Variants in PYROXD2 observed in about 807,000 individuals in gnomAD.
The protein encoded by PYROXD2 is pyridine nucleotide-disulphide oxidoreductase domain 2.
PYROXD2 carries 69 observed loss-of-function variants against 71.1 expected under a neutral mutation model. That is an observed-to-expected ratio of 0.97 (90% CI 0.80 to 1.19). The LOEUF (loss-of-function observed/expected upper bound fraction) is 1.19. Among genes scored for constraint, PYROXD2 ranks in the 50% most tolerant of loss-of-function variants. PYROXD2 has a pLI of 0.00. For synonymous variants in PYROXD2, 287 were observed against 302.7 expected (o/e 0.95, Z 0.54); for missense variants, 745 against 748.9 (o/e 0.99, Z 0.06).
At chr10:98,409,576 T>C (rs1018370162) in intron 2 of PYROXD2, among the ~76,000 whole-genome samples, 2 of 152,200 alleles carry the variant, frequency 1.3e-5, no homozygotes, top group Admixed American at 6.5e-5. Flanking sequence ...GATGCCAGCC[T>C]TCCTTGGCCT....
intron 6 of PYROXD2, 37 bp from the exon 7 acceptor site, chr10:98,395,489 G>A: frequency 1.3e-6 from 2 of 1,593,728 alleles, no homozygotes; most frequent in South Asian, 1.1e-5. Context: ...AGTTGAAACA[G>A]GTGACAGGGA....
At chr10:98,392,365 A>G (rs975493639) in intron 10 of PYROXD2, 67 bp downstream of exon 10, 1 of 1,576,588 alleles carries the variant, frequency 6.3e-7, no homozygotes. Context: ...GGCTCCCTCA[A>G]TCCCCACGAT....
chr10:98,387,215 C>T lies in PYROXD2; in HGVS notation c.1540G>A (p.Gly514Arg), dbSNP rs779246702. 1.1e-5 allele frequency: 18 copies of T among 1,613,848 alleles called. No homozygotes were observed. Among genetic ancestry groups the T allele is most frequent in the East Asian group, 6.7e-5 (3 of 44,868 alleles). Reference sequence around the variant, plus strand: ...CTTATACATACCCCTCCAGGAAGCCCGAAGATTCTCTCCAAATCTGGTGGT... The same window carrying T: ...CTTATACATACCCCTCCAGGAAGCCTGAAGATTCTCTCCAAATCTGGTGGT... ...LTPPDLERIFGLPGGNIFHCA... is the reference protein window; with the variant it reads ...LTPPDLERIFRLPGGNIFHCA... Residue 514 changes from glycine (G) to arginine (R), a missense_variant, in exon 14 of 16, where the codon GGG becomes AGG. Gly to Arg is a moderately radical substitution (Grantham distance 125). Coordinates refer to ENST00000370575, the MANE Select transcript of PYROXD2 (RefSeq NM_032709.3).
chr10:98,390,497 T>C (rs1842909407), intron 12 of PYROXD2, 101 bp downstream of exon 12: 4 of 1,338,628 alleles, frequency 3.0e-6, no homozygotes, highest in Admixed American at 2.5e-5. Flanking sequence ...ACTGTGAAGG[T>C]TGAACACCAG....
chr10:98,400,037 T>G, intron 5 of PYROXD2, 65 bp downstream of exon 5: 1 of 1,571,406 alleles, frequency 6.4e-7, no homozygotes, highest in Non-Finnish European at 8.6e-7. Context: ...TCTAGGACAA[T>G]CCAACCAGGC....
chr10:98,387,839 G>T, intron 13 of PYROXD2: 1 of 178,216 alleles, frequency 5.6e-6, no homozygotes, highest in Non-Finnish European at 1.2e-5. Flanking sequence ...TCACCATGTT[G>T]GTCAGGCTGG....
At chr10:98,410,226 A>G (rs6584199) in intron 2 of PYROXD2, among the ~76,000 whole-genome samples, 55,095 of 152,156 alleles carry the variant, frequency 0.36, 11,142 homozygotes, top group African/African-American at 0.53. Flanking sequence ...GCACAGCCAC[A>G]GTTTCCCCCT....
chr10:98,386,613 G>A (rs997985486), intron 14 of PYROXD2, among the ~76,000 whole-genome samples: 1 of 150,544 alleles, frequency 6.6e-6, no homozygotes, highest in South Asian at 2.1e-4. Flanking sequence ...GTGTAATGAC[G>A]CATCACAGCT....
intron 15 of PYROXD2, 32 bp downstream of exon 15, chr10:98,384,915 C>T (rs1842701468): frequency 1.1e-5 from 18 of 1,573,584 alleles, no homozygotes; most frequent in Non-Finnish European, 1.5e-5. Context: ...CCTCCCAGTC[C>T]CCACAGGGTA....
chr10:98,393,071 CA>C lies in PYROXD2; in HGVS notation c.797del (p.Leu266ArgfsTer4), dbSNP rs1843005632. On this transcript the variant is annotated frameshift_variant, in exon 9 of 16. Transcript: ENST00000370575. LOFTEE classifies it high-confidence loss of function. ...CCTCCAGGCCCCCCATCACATGGTG[CA>C]GCAGCACATACCTGTGGACAGACCA... ...PHTPGSGYVL[L>X]HHVMGGLEGM... is the part of the protein sequence containing the mutation. The C allele has an allele frequency of 6.3e-7, 1 of 1,583,700 alleles. No homozygotes were observed. Among genetic ancestry groups the C allele is most frequent in the Non-Finnish European group, 8.5e-7 (1 of 1,170,864 alleles).
At position 98,384,963 on chromosome 10, in the gene PYROXD2, T is replaced by C; in HGVS notation, c.1659A>G (p.Gly553=). 1 of 1,612,864 alleles carries C rather than the reference T, an allele frequency of 6.2e-7. No individual in the cohort carries two copies. Among genetic ancestry groups the C allele is most frequent in the South Asian group, 1.1e-5 (1 of 90,782 alleles). The change falls in exon 15 of 16, where the codon GGA becomes GGG. Residue 553 remains glycine, a synonymous_variant. Transcript: ENST00000370575. ...GTCACTCACCAGGATGAGCCCCACT[T>C]CCACAGAGATACAGGCCCTGGAGAG... ...RCPLQGLYLC[G]SGAHPGGGVM... is the part of the protein sequence containing the mutation.
intron 8 of PYROXD2, among the ~76,000 whole-genome samples, chr10:98,393,652 C>T (rs1843032882): frequency 6.6e-6 from 1 of 152,072 alleles, no homozygotes; most frequent in African/African-American, 2.4e-5. Flanking sequence ...GCAGTAGTGC[C>T]CCTCATTGGA....
chr10:98,391,794 G>A (rs1842952873), intron 10 of PYROXD2, among the ~76,000 whole-genome samples: 1 of 152,140 alleles, frequency 6.6e-6, no homozygotes, highest in Non-Finnish European at 1.5e-5. Flanking sequence ...CTACCGTGCT[G>A]GAGGAGGACA....
At chr10:98,411,735 C>G (rs1398719554) in intron 1 of PYROXD2, 2 of 152,132 alleles carry the variant, frequency 1.3e-5, no homozygotes, top group Admixed American at 6.5e-5. Flanking sequence ...AATGTCGACT[C>G]CCACAGACCC....
Position 98,400,165 on chromosome 10 carries a change from C to A in PYROXD2, c.408G>T (p.Leu136=). The A allele has an allele frequency of 6.2e-7, 1 of 1,613,702 alleles. No individual in the cohort carries two copies. Among genetic ancestry groups the A allele is most frequent in the Non-Finnish European group, 8.5e-7 (1 of 1,179,798 alleles). ...GGTTTTCTGCCATGTCTGTGCCCAG[C>A]AGAAGGCACCTGGGCACCTTGCTGC... The part of the protein sequence containing the change: ...GAGSKVPRCL[L]LGTDMAENQK... The change falls in exon 5 of 16, where the codon CTG becomes CTT. Residue 136 remains leucine (L), a synonymous_variant. Coordinates refer to ENST00000370575, the MANE Select transcript of PYROXD2 (RefSeq NM_032709.3).
At chr10:98,385,140 C>A in intron 14 of PYROXD2, 73 bp from the exon 15 acceptor site, 3 of 1,558,520 alleles carry the variant, frequency 1.9e-6, no homozygotes, top group South Asian at 1.2e-5. Context: ...GTTTCTTCCC[C>A]TCCCCTGTTC....
At chr10:98,403,358 G>A (rs1291905613) in intron 4 of PYROXD2, among the ~76,000 whole-genome samples, 2 of 152,142 alleles carry the variant, frequency 1.3e-5, no homozygotes, top group Admixed American at 1.3e-4. Context: ...CTGCAGCGGC[G>A]GCCTAGTGCT....
At chr10:98,411,152 A>T in intron 1 of PYROXD2, 194 bp from the exon 2 acceptor site, 2 of 782,720 alleles carry the variant, frequency 2.6e-6, no homozygotes, top group Non-Finnish European at 4.0e-6. Context: ...ATCTTCAAGG[A>T]GTCAGAAAAC....
At chr10:98,411,689 C>T (rs1419635533) in intron 1 of PYROXD2, 1 of 152,174 alleles carries the variant, frequency 6.6e-6, no homozygotes, top group Non-Finnish European at 1.5e-5. Context: ...GCCTCTCCAG[C>T]TCTGATAAGC....
Sources: gnomAD v4.1 joint callset for allele counts (sites outside exome capture counted in the v4.1 genomes callset) on GRCh38, gnomAD v4.1.1 for gene constraint, MANE v1.5 for transcripts, NCBI Gene and HGNC (gene_info 2026-07-23, HGNC 2026-07-21) for gene names.